The following RELN variants were observed in gnomAD, a reference collection of about 807,000 sequenced individuals.
RELN encodes the protein reelin.
Under a neutral mutation model 427.6 loss-of-function variants are expected in RELN, and 108 were observed. That is an observed-to-expected ratio of 0.25 (90% confidence interval 0.22 to 0.30). RELN has a LOEUF of 0.30. Ranked by LOEUF, RELN falls within the 10% of genes least tolerant of loss-of-function variation. The probability of loss-of-function intolerance (pLI) is 1.00; values close to 1 mark genes in which losing one functional copy is unlikely to be tolerated. For missense variants in RELN, 3,715 were observed against 4,302.8 expected (o/e 0.86, Z 3.82); for synonymous variants, 1,524 against 1,513.4 (o/e 1.01, Z -0.16).
intron 2 of RELN, among the ~76,000 whole-genome samples, chr7:103,905,444 T>C (rs1016022273): frequency 6.6e-6 from 1 of 152,178 alleles, no homozygotes; most frequent in East Asian, 1.9e-4. Flanking sequence ...TTTAAATGCA[T>C]GTATAGATGT....
At chr7:103,611,107 A>G (rs905255307) in intron 21 of RELN, among the ~76,000 whole-genome samples, 11 of 152,168 alleles carry the variant, frequency 7.2e-5, no homozygotes, top group African/African-American at 2.7e-4. Flanking sequence ...TGTTATCGTA[A>G]CACTGGCATT....
At chr7:103,713,777 A>T (rs1032897334) in intron 8 of RELN, among the ~76,000 whole-genome samples, 1 of 151,970 alleles carries the variant, frequency 6.6e-6, no homozygotes, top group African/African-American at 2.4e-5. Context: ...CTTCTTTGCT[A>T]CTTTGCAATT....
chr7:103,668,517 G>T lies in RELN; in HGVS notation c.1290-6990C>A, dbSNP rs532495294. Among the ~76,000 whole-genome samples, 30 of 152,150 alleles carry T rather than the reference G, an allele frequency of 2.0e-4. 1 individual carries two copies. The highest frequency in any genetic ancestry group is 7.2e-4 in the African/African-American group (30 of 41,522). Reference sequence around the variant, plus strand: ...CTAAAATTTAGATCTTTTCTTTCTTGATTTGCTCTGATTTTCTTACAGTTG... The same window carrying T: ...CTAAAATTTAGATCTTTTCTTTCTTTATTTGCTCTGATTTTCTTACAGTTG... On this transcript the variant is annotated intron_variant, in intron 11 of 64. Transcript: ENST00000428762.
chr7:103,482,095 A>C (rs1296079062), intron 63 of RELN: 1 of 152,092 alleles, frequency 6.6e-6, no homozygotes, highest in African/African-American at 2.4e-5. Context: ...CCAATTAATC[A>C]CTTAAATTTG....
At chr7:103,493,318 C>T (rs1248626304) in intron 57 of RELN, among the ~76,000 whole-genome samples, 2 of 152,152 alleles carry the variant, frequency 1.3e-5, no homozygotes, top group Non-Finnish European at 2.9e-5. Context: ...AGTGAAAAAT[C>T]AAAGCCTAGT....
rs745955015 is a variant in RELN at position 103,708,464 on chromosome 7, C to CTTTTTTTTTTTTTTTTTTTTTTTTT, written c.806-7459_806-7458insAAAAAAAAAAAAAAAAAAAAAAAAA. ...CACCCAAACACCAGTGGGTATGACT[C>CTTTTTTTTTTTTTTTTTTTTTTTTT]TTTTTTTTTTTTTTTTTGAGACGGA... On this transcript the variant is annotated intron_variant, in intron 8 of 64. Transcript: ENST00000428762. Among the ~76,000 whole-genome samples, 4 of 110,040 alleles carry CTTTTTTTTTTTTTTTTTTTTTTTTT rather than the reference C, an allele frequency of 3.6e-5. 1 individual carries two copies. Among genetic ancestry groups the CTTTTTTTTTTTTTTTTTTTTTTTTT allele is most frequent in the African/African-American group, 8.8e-5 (2 of 22,602 alleles). 72.2% of individuals were successfully genotyped at this position (110,040 alleles called of 152,430 possible).
intron 64 of RELN, among the ~76,000 whole-genome samples, chr7:103,475,030 C>G (rs181489549): frequency 6.6e-6 from 1 of 152,132 alleles, no homozygotes; most frequent in African/African-American, 2.4e-5. Flanking sequence ...CTTAAACAGA[C>G]GTTTCAAGTC....
chr7:103,630,028 C>A lies in RELN; in HGVS notation c.2614G>T (p.Asp872Tyr). The change falls in exon 20 of 65, where the codon GAC becomes TAC. Residue 872 changes from aspartate to tyrosine, a missense_variant. Around this residue, in one of 4 missense-constraint regions of RELN, gnomAD observed 2,208 missense variants for 2,361.7 expected, o/e 0.93. Transcript: ENST00000428762. ...GTGACCTCCACAAGATTGGTAAAGTCAAGACTAATGCTGTTGAAAAGCACA... is the reference window on the plus strand; with the variant it reads ...GTGACCTCCACAAGATTGGTAAAGTAAAGACTAATGCTGTTGAAAAGCACA... ...TSVLFNSISL[D>Y]FTNLVEVTQS... The A allele has an allele frequency of 6.2e-7, 1 of 1,613,814 alleles. No individual in the cohort carries two copies. Among genetic ancestry groups the A allele is most frequent in the Non-Finnish European group, 8.5e-7 (1 of 1,179,806 alleles).
intron 28 of RELN, 39 bp from the exon 29 acceptor site, chr7:103,575,744 A>T (rs746260366): frequency 1.2e-6 from 2 of 1,609,786 alleles, no homozygotes; most frequent in Non-Finnish European, 1.7e-6. Context: ...TTGTACCAAC[A>T]TCTCATATCA....
intron 2 of RELN, among the ~76,000 whole-genome samples, chr7:103,865,132 CAAAAAAAAA>C (rs386410871): frequency 0.052 from 3,489 of 67,342 alleles, 72 homozygotes; most frequent in Middle Eastern, 0.082. Context: ...GAAACTGTCT[CAAAAAAAAA>C]AAAAAAAAAA....
In RELN at chr7:103,472,565, T is replaced by TG; in HGVS notation, c.*246dup. On this transcript the variant is annotated 3_prime_UTR_variant, in exon 65 of 65. Transcript: ENST00000428762. ...TTATTGTCAATACTGCCACTGTAACTGATATTACAACAGATCACAACTTTC... is the reference window on the plus strand; with the variant it reads ...TTATTGTCAATACTGCCACTGTAACTGGATATTACAACAGATCACAACTTTC... 1 of 478,348 alleles carries TG rather than the reference T, an allele frequency of 2.1e-6. No individual in the cohort carries two copies. The highest frequency in any genetic ancestry group is 3.8e-6 in the Non-Finnish European group (1 of 262,386). The allele number at this position is 478,348 out of a possible 1,614,324, so 29.6% of individuals were successfully genotyped here. A position where few individuals can be genotyped will look rare whatever the true frequency, so the allele number is the denominator to read the frequency against.
chr7:103,722,445 C>T (rs1358957242), intron 8 of RELN, among the ~76,000 whole-genome samples: 2 of 152,020 alleles, frequency 1.3e-5, no homozygotes, highest in Non-Finnish European at 2.9e-5. Context: ...GGGACCTAGG[C>T]CCCATTAAAA....
At chr7:103,776,534 A>G (rs751386030) in intron 4 of RELN, 23 bp downstream of exon 4, 1 of 1,613,598 alleles carries the variant, frequency 6.2e-7, no homozygotes, top group South Asian at 1.1e-5. Flanking sequence ...ACATAACACA[A>G]ACAAATCAAA....
At chr7:103,686,208 T>A in intron 10 of RELN, among the ~76,000 whole-genome samples, 1 of 152,166 alleles carries the variant, frequency 6.6e-6, no homozygotes, top group Non-Finnish European at 1.5e-5. Context: ...GAATGAAATC[T>A]GCCTGGTATG....
At chr7:103,984,153 T>TA (rs71519166) in intron 1 of RELN, among the ~76,000 whole-genome samples, 7,104 of 144,786 alleles carry the variant, frequency 0.049, 258 homozygotes, top group East Asian at 0.16. Context: ...TCCCAGGAGG[T>TA]AAAAAAAAAA....
chr7:103,872,408 G>A, intron 2 of RELN, among the ~76,000 whole-genome samples: 1 of 138,378 alleles, frequency 7.2e-6, no homozygotes, highest in Non-Finnish European at 1.6e-5. Flanking sequence ...CTTTCTTATG[G>A]CTGCATAGTA....
At chr7:103,916,998 A>G (rs1795495453) in intron 2 of RELN, 77 bp downstream of exon 2, 1 of 1,103,580 alleles carries the variant, frequency 9.1e-7, no homozygotes, top group Admixed American at 1.7e-5. Context: ...TAACACTGTT[A>G]AAACAGATAC....
chr7:103,515,572 T>C (rs1048459717), intron 49 of RELN, 131 bp from the exon 50 acceptor site: 7 of 1,227,986 alleles, frequency 5.7e-6, no homozygotes, highest in Admixed American at 2.3e-5. Flanking sequence ...TAAGCTAAAA[T>C]AATTTTCAAA....
intron 46 of RELN, among the ~76,000 whole-genome samples, chr7:103,528,030 G>C (rs1440990601): frequency 1.3e-5 from 2 of 152,132 alleles, no homozygotes; most frequent in African/African-American, 2.4e-5. Flanking sequence ...TCAAAATGTT[G>C]AACATAATTA....
Sources: gnomAD v4.1 joint callset for allele counts (sites outside exome capture counted in the v4.1 genomes callset) on GRCh38, gnomAD v4.1.1 for gene constraint, gnomAD v4.1.1 regional missense constraint, MANE v1.5 for transcripts, NCBI Gene and HGNC (gene_info 2026-07-23, HGNC 2026-07-21) for gene names.